Variants in TSC2 observed in about 807,000 individuals in gnomAD.
TSC2 encodes the protein TSC complex subunit 2.
Under a neutral mutation model 202.2 loss-of-function variants are expected in TSC2, and 29 were observed. The observed-to-expected ratio is 0.14, with a 90% confidence interval of 0.11 to 0.20. TSC2 has a LOEUF of 0.20. Ranked by LOEUF, TSC2 falls within the 10% of genes least tolerant of loss-of-function variation. The pLI is 1.00. For missense variants in TSC2, 2,429 were observed against 2,420.0 expected (o/e 1.00, Z -0.08); for synonymous variants, 1,349 against 1,044.0 (o/e 1.29, Z -5.63).
Position 2,079,720 on chromosome 16 carries a change from T to C in TSC2, c.3397+51T>C. On this transcript the variant is annotated intron_variant, in intron 29 of 41. Coordinates refer to ENST00000219476, the MANE Select transcript of TSC2 (RefSeq NM_000548.5). The surrounding 1 kb of genome is among the most constrained non-coding windows in gnomAD (Gnocchi z 4.6). ...ACACAGGCACCGGGGCTCCCTCAGT[T>C]GCTGCTGGTCCCAGTGTTCAGGAAG... 1 of 1,524,312 alleles carries C rather than the reference T, an allele frequency of 6.6e-7. No individual in the cohort carries two copies. The highest frequency in any genetic ancestry group is 8.8e-7 in the Non-Finnish European group (1 of 1,130,794). 94.4% of individuals were successfully genotyped at this position (1,524,312 alleles called of 1,614,324 possible). A position where few individuals can be genotyped will look rare whatever the true frequency, so the allele number is the denominator to read the frequency against.
chr16:2,060,866 T>G (rs1596299379), intron 11 of TSC2, 53 bp downstream of exon 11: 9 of 1,603,724 alleles, frequency 5.6e-6, no homozygotes, highest in Non-Finnish European at 7.6e-6. Context: ...ACAGGCAGGC[T>G]CGGCCCACTC....
Position 2,064,390 on chromosome 16 carries a change from C to A in TSC2, c.1562C>A (p.Thr521Lys). The A allele has an allele frequency of 6.2e-7, 1 of 1,613,750 alleles. No homozygotes were observed. The highest frequency in any genetic ancestry group is 8.5e-7 in the Non-Finnish European group (1 of 1,180,036). The change falls in exon 15 of 42, where the codon ACA becomes AAA. Residue 521 changes from threonine to lysine, a missense_variant. Transcript: ENST00000219476. ...LLVDLAEGCH[T>K]HHFNSLLDII... Reference sequence around the variant, plus strand: ...GTGGACCTGGCAGAGGGCTGCCACACACACCACTTCAACAGCCTGCTGGAC... The same window carrying A: ...GTGGACCTGGCAGAGGGCTGCCACAAACACCACTTCAACAGCCTGCTGGAC...
intron 22 of TSC2, 142 bp downstream of exon 22, chr16:2,074,531 G>C: frequency 9.5e-7 from 1 of 1,052,852 alleles, no homozygotes; most frequent in Non-Finnish European, 1.4e-6. Flanking sequence ...GGGCGTCTCT[G>C]CCCGGCTGCC....
chr16:2,062,993 G>A lies in TSC2; in HGVS notation c.1383G>A (p.Val461=), dbSNP rs760393399. 1.9e-6 allele frequency: 3 copies of A among 1,551,186 alleles called. No homozygotes were observed. Among genetic ancestry groups the A allele is most frequent in the Non-Finnish European group, 2.6e-6 (3 of 1,146,860 alleles). ...RFFRSESRGA[V]RIKVLDVLSF... ...GCAGGAGCGAGTCCCGAGGCGCCGTGCGCATCAAGGTGCTGGACGTGCTGT... is the reference window on the plus strand; with the variant it reads ...GCAGGAGCGAGTCCCGAGGCGCCGTACGCATCAAGGTGCTGGACGTGCTGT... The change falls in exon 14 of 42, where the codon GTG becomes GTA. Residue 461 remains valine (V), a synonymous_variant. Transcript: ENST00000219476.
intron 22 of TSC2, among the ~76,000 whole-genome samples, chr16:2,075,558 G>A (rs999893151): frequency 2.1e-4 from 32 of 149,550 alleles, no homozygotes; most frequent in Non-Finnish European, 3.5e-4. Context: ...AAAGAGGTGC[G>A]GAAGCCTTTC....
At chr16:2,085,376 C>A in intron 36 of TSC2, 54 bp downstream of exon 36, 1 of 1,588,674 alleles carries the variant, frequency 6.3e-7, no homozygotes, top group Non-Finnish European at 8.6e-7. Context: ...GGGCCTCAGC[C>A]TGCAGTGGGT....
chr16:2,085,210 C>CA lies in TSC2; in HGVS notation c.4570-19dup, dbSNP rs1567528162. 6.8e-6 allele frequency: 11 copies of CA among 1,612,586 alleles called. No individual in the cohort carries two copies. Among genetic ancestry groups the CA allele is most frequent in the Non-Finnish European group, 9.3e-6 (11 of 1,179,856 alleles). On this transcript the variant is annotated intron_variant, in intron 35 of 41. Coordinates refer to ENST00000219476, the MANE Select transcript of TSC2 (RefSeq NM_000548.5). Reference sequence around the variant, plus strand: ...TGTGGACGGGCGTCTGGGGCTCAGGCAGGGCTCTGTGTGCCACAGTCACAG... The same window carrying CA: ...TGTGGACGGGCGTCTGGGGCTCAGGCAAGGGCTCTGTGTGCCACAGTCACAG...
chr16:2,074,636 G>A (rs1263592743), intron 22 of TSC2: 7 of 570,238 alleles, frequency 1.2e-5, no homozygotes, highest in South Asian at 3.9e-5. Flanking sequence ...CTTCCCCCCC[G>A]AGCAGTGGCC....
intron 17 of TSC2, 50 bp downstream of exon 17, chr16:2,070,628 T>TC: frequency 6.2e-7 from 1 of 1,611,840 alleles, no homozygotes; most frequent in Non-Finnish European, 8.5e-7. Flanking sequence ...CAGCCAGGTA[T>TC]CCCCGTCTCG....
chr16:2,064,562 G>C (rs1287788038), intron 15 of TSC2, 135 bp downstream of exon 15: 1 of 1,404,290 alleles, frequency 7.1e-7, no homozygotes, highest in African/African-American at 1.4e-5. Flanking sequence ...CTCCCTGCAG[G>C]GTGGGTGTCC....
intron 5 of TSC2, 109 bp downstream of exon 5, chr16:2,054,549 C>G (rs917881583): frequency 1.3e-6 from 2 of 1,521,308 alleles, no homozygotes; most frequent in African/African-American, 2.7e-5. Context: ...GGATGGCCTG[C>G]AGCGGGTATG....
intron 2 of TSC2, among the ~76,000 whole-genome samples, chr16:2,049,860 T>C (rs575927039): frequency 8.5e-5 from 13 of 152,144 alleles, no homozygotes; most frequent in Non-Finnish European, 1.8e-4. Flanking sequence ...GTATTTCATG[T>C]TATGTTTTAT....
At chr16:2,083,156 C>T (rs905136303) in intron 32 of TSC2, 20 of 456,980 alleles carry the variant, frequency 4.4e-5, no homozygotes, top group Non-Finnish European at 7.9e-5. Flanking sequence ...TCTACTTCCT[C>T]TCCCCCTGTC....
chr16:2,087,358 G>C (rs2090947931), intron 38 of TSC2, among the ~76,000 whole-genome samples: 1 of 152,168 alleles, frequency 6.6e-6, no homozygotes, highest in Non-Finnish European at 1.5e-5. Context: ...ATAGGCTGGA[G>C]GCCTCACTCC....
intron 32 of TSC2, 135 bp from the exon 33 acceptor site, chr16:2,083,560 G>A (rs769408552): frequency 6.9e-7 from 1 of 1,449,438 alleles, no homozygotes; most frequent in South Asian, 1.2e-5. Flanking sequence ...GTGGATGGCA[G>A]CAGTAAGCAG....
intron 32 of TSC2, chr16:2,083,300 C>G (rs1385659650): frequency 2.2e-6 from 1 of 457,916 alleles, no homozygotes; most frequent in Non-Finnish European, 4.4e-6. Flanking sequence ...ACAGGGACTT[C>G]CCCCACGTCA....
chr16:2,069,484 A>AT (rs746122123), intron 16 of TSC2, among the ~76,000 whole-genome samples: 6,943 of 125,444 alleles, frequency 0.055, 563 homozygotes, highest in African/African-American at 0.18. Context: ...CACCTGGCTA[A>AT]TTTTTTTTTT....
chr16:2,070,831 G>A (rs569974904), intron 17 of TSC2, among the ~76,000 whole-genome samples: 20 of 152,334 alleles, frequency 1.3e-4, no homozygotes, highest in South Asian at 1.2e-3. Flanking sequence ...AAGGACGCAC[G>A]GCGACTTCCG....
At position 2,058,834 on chromosome 16, in the gene TSC2, C is replaced by G. The variant is rs2086239603; in HGVS notation, c.936C>G (p.Leu312=). 5 of 1,606,256 alleles carry G rather than the reference C, an allele frequency of 3.1e-6. No homozygotes were observed. The Admixed American group carries it at 6.8e-5, about 22-fold the overall frequency. ...ALWGAHRLYS[L]RNSPTSVLPS... is the part of the protein sequence containing the mutation. ...GGGGAGCCCACCGGCTCTATTCTCT[C>G]AGGAACTCGCCGACATCTGTGTTGC... Residue 312 remains leucine, a synonymous_variant, in exon 10 of 42, where the codon CTC becomes CTG. Transcript: ENST00000219476.
Sources: gnomAD v4.1 joint callset for allele counts (sites outside exome capture counted in the v4.1 genomes callset) on GRCh38, gnomAD v4.1.1 for gene constraint, Gnocchi (gnomAD v3.1) non-coding constraint, MANE v1.5 for transcripts, NCBI Gene and HGNC (gene_info 2026-07-23, HGNC 2026-07-21) for gene names.